The following SORL1 variants were observed in gnomAD, a reference collection of about 807,000 sequenced individuals.
SORL1 encodes the protein sortilin related receptor 1.
Under a neutral mutation model 273.7 loss-of-function variants are expected in SORL1, and 127 were observed. The ratio of observed to expected loss-of-function variants is 0.46; its 90% CI spans 0.40 to 0.54. SORL1 has a LOEUF of 0.54. SORL1 is among the 20% of genes least tolerant of loss of function. SORL1 has a pLI of 0.00. For missense variants in SORL1, 2,494 were observed against 2,846.1 expected (o/e 0.88, Z 2.81); for synonymous variants, 1,031 against 1,067.4 (o/e 0.97, Z 0.66).
At position 121,486,484 on chromosome 11, in the gene SORL1, T is replaced by C. The variant is rs181628689; in HGVS notation, c.529-1548T>C. On this transcript the variant is annotated intron_variant, in intron 3 of 47. Coordinates refer to ENST00000260197, the MANE Select transcript of SORL1 (RefSeq NM_003105.6). ...TGAGACTCTGTTTCTTTCTTTCTTT[T>C]TTTTTTTTTTTTTGAGACGGAGTCT... Among the ~76,000 whole-genome samples, 118 of 149,660 alleles carry C rather than the reference T, an allele frequency of 7.9e-4. 1 individual carries two copies. In the East Asian group the frequency reaches 0.014, roughly 18 times the overall value.
intron 21 of SORL1, among the ~76,000 whole-genome samples, chr11:121,564,907 A>T (rs1311229944): frequency 3.9e-5 from 6 of 152,224 alleles, no homozygotes; most frequent in South Asian, 2.1e-4. Flanking sequence ...ATCATATTCC[A>T]TTATTGTTCA....
intron 3 of SORL1, among the ~76,000 whole-genome samples, chr11:121,486,518 C>T (rs1210324315): frequency 1.4e-5 from 2 of 146,722 alleles, no homozygotes; most frequent in Non-Finnish European, 3.0e-5. Context: ...CTCACTCTGT[C>T]GCCCAGGCTG....
At chr11:121,497,679 CT>C (rs1212162687) in intron 6 of SORL1, among the ~76,000 whole-genome samples, 1 of 152,110 alleles carries the variant, frequency 6.6e-6, no homozygotes, top group African/African-American at 2.4e-5. Context: ...CAGGACTTGT[CT>C]TGAAATTGTA....
intron 38 of SORL1, 22 bp downstream of exon 38, chr11:121,608,198 A>G (rs375548194): frequency 4.4e-6 from 7 of 1,578,530 alleles, no homozygotes; most frequent in Non-Finnish European, 6.1e-6. Flanking sequence ...CAGCATTTGC[A>G]GATTTAGAGA....
At chr11:121,575,003 G>A (rs1368191449) in intron 24 of SORL1, among the ~76,000 whole-genome samples, 1 of 152,064 alleles carries the variant, frequency 6.6e-6, no homozygotes, top group East Asian at 1.9e-4. Context: ...TTAGAAGTTA[G>A]CAGATGGTAT....
At chr11:121,465,615 C>T (rs1440254335) in intron 1 of SORL1, among the ~76,000 whole-genome samples, 1 of 152,044 alleles carries the variant, frequency 6.6e-6, no homozygotes, top group Non-Finnish European at 1.5e-5. Context: ...GCAACCTCTG[C>T]CTCCCAGATT....
intron 25 of SORL1, among the ~76,000 whole-genome samples, chr11:121,579,248 C>T (rs1313949423): frequency 1.3e-5 from 2 of 152,180 alleles, no homozygotes; most frequent in Non-Finnish European, 2.9e-5. Context: ...GGCTGTTCTT[C>T]CAAACCTTTC....
intron 1 of SORL1, among the ~76,000 whole-genome samples, chr11:121,461,960 T>G (rs756625064): frequency 2.6e-5 from 4 of 152,200 alleles, no homozygotes; most frequent in Non-Finnish European, 5.9e-5. Context: ...CATTTGATTC[T>G]TACGACAATC....
intron 6 of SORL1, among the ~76,000 whole-genome samples, chr11:121,510,256 G>A (rs641120): frequency 0.39 from 59,084 of 152,052 alleles, 12,107 homozygotes; most frequent in East Asian, 0.55. Context: ...AAATTAAATT[G>A]CCTCTGTCAG....
intron 1 of SORL1, among the ~76,000 whole-genome samples, chr11:121,461,540 G>T (rs1445670414): frequency 6.6e-6 from 1 of 152,204 alleles, no homozygotes; most frequent in African/African-American, 2.4e-5. Flanking sequence ...CCCTCACAGG[G>T]TGGTGAAGAA....
At chr11:121,465,610 C>A (rs1861070723) in intron 1 of SORL1, among the ~76,000 whole-genome samples, 2 of 152,110 alleles carry the variant, frequency 1.3e-5, no homozygotes, top group Admixed American at 1.3e-4. Flanking sequence ...TTACTGCAAC[C>A]TCTGCCTCCC....
intron 32 of SORL1, among the ~76,000 whole-genome samples, chr11:121,600,949 C>T (rs1033575056): frequency 1.3e-5 from 2 of 151,866 alleles, no homozygotes; most frequent in South Asian, 2.1e-4. Context: ...ACATTGTGCA[C>T]GTTAGTTACA....
intron 6 of SORL1, among the ~76,000 whole-genome samples, chr11:121,509,049 A>G (rs1471853448): frequency 6.6e-6 from 1 of 150,866 alleles, no homozygotes; most frequent in African/African-American, 2.4e-5. Flanking sequence ...TTAGCTATCT[A>G]CTCACTACTT....
At chr11:121,532,121 C>A (rs1259493511) in intron 11 of SORL1, among the ~76,000 whole-genome samples, 1 of 152,184 alleles carries the variant, frequency 6.6e-6, no homozygotes, top group African/African-American at 2.4e-5. Flanking sequence ...AGAACTGAAA[C>A]CCCAGTTACT....
chr11:121,631,292 A>G lies in SORL1; in HGVS notation c.*1729A>G, dbSNP rs536182785. ...TAGTTTGCCATACGGGTAGGACTGT[A>G]TTTCATGTTAACAACTGGTGGTAAT... is the stretch of plus-strand genomic sequence containing the variant. On this transcript the variant is annotated 3_prime_UTR_variant, in exon 48 of 48. Transcript: ENST00000260197. 1 of 151,896 alleles carries G rather than the reference A, an allele frequency of 6.6e-6. No homozygotes were observed. The highest frequency in any genetic ancestry group is 2.1e-4 in the South Asian group (1 of 4,818). 9.4% of individuals were successfully genotyped at this position (151,896 alleles called of 1,614,324 possible). A position where few individuals can be genotyped will look rare whatever the true frequency, so the allele number is the denominator to read the frequency against.
Position 121,629,690 on chromosome 11 carries a change from A to T in SORL1, c.*127A>T. 1.7e-6 allele frequency: 1 copy of T among 585,824 alleles called. No individual in the cohort carries two copies. The highest frequency in any genetic ancestry group is 2.2e-5 in the South Asian group (1 of 46,510). The allele number at this position is 585,824 out of a possible 1,614,324, so 36.3% of individuals were successfully genotyped here. A position where few individuals can be genotyped will look rare whatever the true frequency, so the allele number is the denominator to read the frequency against. On this transcript the variant is annotated 3_prime_UTR_variant, in exon 48 of 48. Transcript: ENST00000260197. ...TTTTTATATGGGCCAAAAACAAAAA[A>T]CAAAAAAAAAAAAAAGGAAAGAAAG... is the stretch of plus-strand genomic sequence containing the variant.
chr11:121,514,100 C>T (rs1861916944), intron 7 of SORL1, 52 bp from the exon 8 acceptor site: 1 of 1,576,578 alleles, frequency 6.3e-7, no homozygotes, highest in Non-Finnish European at 8.6e-7. Flanking sequence ...AGTAAAAGCC[C>T]ACAGGGCACA....
chr11:121,548,290 A>AAAGCT (rs1242390033), intron 14 of SORL1, among the ~76,000 whole-genome samples: 1 of 152,230 alleles, frequency 6.6e-6, no homozygotes, highest in African/African-American at 2.4e-5. Flanking sequence ...ATGGTCAAAG[A>AAAGCT]AAGCTGCCCA....
chr11:121,483,894 G>A (rs922112736), intron 3 of SORL1, among the ~76,000 whole-genome samples: 4 of 152,222 alleles, frequency 2.6e-5, no homozygotes, highest in African/African-American at 9.6e-5. Flanking sequence ...GGGGTACTTA[G>A]GATTTGATAT....
Sources: allele counts gnomAD v4.1 joint callset (sites outside exome capture counted in the v4.1 genomes callset), GRCh38; gene constraint gnomAD v4.1.1; transcripts MANE v1.5; gene names NCBI Gene and HGNC (gene_info 2026-07-23, HGNC 2026-07-21).